Variants in KIF13A observed in about 807,000 individuals in gnomAD.
KIF13A encodes the protein kinesin-like protein KIF13A.
A neutral mutation model predicts 212.2 loss-of-function variants in KIF13A; 79 were observed. The ratio of observed to expected loss-of-function variants is 0.37; its 90% CI spans 0.31 to 0.45. The LOEUF is 0.45. KIF13A is among the 20% of genes least tolerant of loss of function. The pLI is 1.00. For missense variants in KIF13A, 1,901 were observed against 2,209.0 expected (o/e 0.86, Z 2.79); for synonymous variants, 789 against 808.6 (o/e 0.98, Z 0.41).
At chr6:17,975,187 T>C (rs572916907) in intron 2 of KIF13A, among the ~76,000 whole-genome samples, 4 of 151,708 alleles carry the variant, frequency 2.6e-5, no homozygotes, top group Admixed American at 2.0e-4. Flanking sequence ...CTACTAAAAA[T>C]AAAAAAATAA....
Position 17,794,429 on chromosome 6 carries a change from AATG to A in KIF13A, c.3076-37_3076-35del. ...GGTGGGGAGGAGTATGGGTGCCAGG[AATG>A]ATAATGAAAAGGAACGGGATAAAGA... is the stretch of plus-strand genomic sequence containing the variant. On this transcript the variant is annotated intron_variant, in intron 24 of 38. Transcript: ENST00000259711. The surrounding 1 kb of genome is among the most constrained non-coding windows in gnomAD (Gnocchi z 4.1). 6.3e-7 allele frequency: 1 copy of A among 1,593,632 alleles called. No homozygotes were observed. The highest frequency in any genetic ancestry group is 8.6e-7 in the Non-Finnish European group (1 of 1,166,390).
intron 2 of KIF13A, among the ~76,000 whole-genome samples, chr6:17,903,684 G>A (rs773681509): frequency 5.3e-5 from 8 of 152,174 alleles, no homozygotes; most frequent in Non-Finnish European, 1.2e-4. Context: ...TCTGGAAAGG[G>A]TCTTCAAAGA....
chr6:17,833,491 T>C (rs1765637633), intron 12 of KIF13A, among the ~76,000 whole-genome samples: 1 of 113,490 alleles, frequency 8.8e-6, no homozygotes, highest in African/African-American at 3.2e-5. Context: ...AGGGAGACCT[T>C]GTCTTCAAAA....
chr6:17,802,593 C>CT (rs898441786), intron 20 of KIF13A, among the ~76,000 whole-genome samples: 25 of 148,480 alleles, frequency 1.7e-4, no homozygotes, highest in African/African-American at 4.7e-4. Context: ...CCCGGCCAAG[C>CT]TTTTTTTTTT....
Position 17,809,025 on chromosome 6 carries a change from C to T in KIF13A, c.2001-95G>A, listed in dbSNP as rs1450042247. The T allele has an allele frequency of 8.7e-7, 1 of 1,144,028 alleles. No homozygotes were observed. Among genetic ancestry groups the T allele is most frequent in the Non-Finnish European group, 1.2e-6 (1 of 832,458 alleles). 70.9% of individuals were successfully genotyped at this position (1,144,028 alleles called of 1,614,324 possible). ...CTTATTAGAAAATGGGAGAAAACTC[C>T]TCTCGGGCAGTATTTTTCAAACTAT... On this transcript the variant is annotated intron_variant, in intron 17 of 38. Coordinates refer to ENST00000259711, the MANE Select transcript of KIF13A (RefSeq NM_022113.6). The surrounding 1 kb of genome is among the most constrained non-coding windows in gnomAD (Gnocchi z 4.7).
At chr6:17,920,871 C>T (rs1661181598) in intron 2 of KIF13A, among the ~76,000 whole-genome samples, 1 of 66,700 alleles carries the variant, frequency 1.5e-5, no homozygotes, top group African/African-American at 4.6e-5. Context: ...AGGACTATGT[C>T]TCAAAAAAAA....
rs114025336 is a variant in KIF13A at position 17,792,448 on chromosome 6, C to G, written c.3222+1801G>C. On this transcript the variant is annotated intron_variant, in intron 25 of 38. Transcript: ENST00000259711. ...GGAACTCAAAGTTTAAATTTTCCAG[C>G]CAAGATAACCATTTAGTAAAGCTCA... Among the ~76,000 whole-genome samples, 64 of 152,246 alleles carry G rather than the reference C, an allele frequency of 4.2e-4. 1 individual carries two copies. The highest frequency in any genetic ancestry group is 1.5e-3 in the African/African-American group (63 of 41,542).
At chr6:17,941,013 C>A (rs1259589813) in intron 2 of KIF13A, among the ~76,000 whole-genome samples, 2 of 151,690 alleles carry the variant, frequency 1.3e-5, no homozygotes, top group Non-Finnish European at 2.9e-5. Flanking sequence ...TTAGTAGAGA[C>A]AGGGTTTCTC....
rs1761864762 is a variant in KIF13A, at chr6:17,794,470, TTAGAGAA to T, written c.3076-82_3076-76del. ...AACGGGATAAAGAAGGGGAAAAGGA[TTAGAGAA>T]TAAAGATACAAATAGTTAGAAAATC... On this transcript the variant is annotated intron_variant, in intron 24 of 38. Coordinates refer to ENST00000259711, the MANE Select transcript of KIF13A (RefSeq NM_022113.6). This position sits in a 1 kb window ranked among gnomAD's most constrained non-coding sequence, Gnocchi z 4.1. The T allele has an allele frequency of 1.3e-6, 2 of 1,565,104 alleles. No homozygotes were observed. The highest frequency in any genetic ancestry group is 2.7e-5 in the African/African-American group (2 of 73,088).
At chr6:17,836,777 A>G (rs2150379820) in intron 11 of KIF13A, 101 bp downstream of exon 11, 2 of 1,030,154 alleles carry the variant, frequency 1.9e-6, no homozygotes, top group African/African-American at 3.2e-5. Context: ...ATAAATCGAA[A>G]CCATATCAGA....
chr6:17,777,386 T>TG lies in KIF13A; in HGVS notation c.4093-33_4093-32insC, dbSNP rs752331361. 3 of 1,524,810 alleles carry TG rather than the reference T, an allele frequency of 2.0e-6. No homozygotes were observed. Among genetic ancestry groups the TG allele is most frequent in the South Asian group, 2.4e-5 (2 of 84,430 alleles). 94.5% of individuals were successfully genotyped at this position (1,524,810 alleles called of 1,614,324 possible). ...ACATAATAATTTGAAAATAACACTT[T>TG]TTTTTTTTTTCCCCAGAGACAGAGT... is the stretch of plus-strand genomic sequence containing the variant. On this transcript the variant is annotated intron_variant, in intron 33 of 38. Coordinates refer to ENST00000259711, the MANE Select transcript of KIF13A (RefSeq NM_022113.6). This position sits in a 1 kb window ranked among gnomAD's most constrained non-coding sequence, Gnocchi z 4.4.
In KIF13A at chr6:17,961,725, G is replaced by A. The variant is rs1778830573; in HGVS notation, c.146+25329C>T. Among the ~76,000 whole-genome samples the A allele has an allele frequency of 6.6e-6, 1 of 152,048 alleles. No individual in the cohort carries two copies. The highest frequency in any genetic ancestry group is 1.5e-5 in the Non-Finnish European group (1 of 68,008). On this transcript the variant is annotated intron_variant, in intron 2 of 38. Coordinates refer to ENST00000259711, the MANE Select transcript of KIF13A (RefSeq NM_022113.6). This position sits in a 1 kb window ranked among gnomAD's most constrained non-coding sequence, Gnocchi z 4.1. Reference sequence around the variant, plus strand: ...AACAGTTATTTTCCTGTTTGCATGGGCTTCTAGGATCCTCCAGCCAAGTAA... The same window carrying A: ...AACAGTTATTTTCCTGTTTGCATGGACTTCTAGGATCCTCCAGCCAAGTAA...
chr6:17,842,011 G>A (rs990313292), intron 9 of KIF13A, among the ~76,000 whole-genome samples: 13 of 149,522 alleles, frequency 8.7e-5, no homozygotes, highest in African/African-American at 1.2e-4. Flanking sequence ...GTGTGTGTGT[G>A]TGTGTGTGTG....
At position 17,776,363 on chromosome 6, in the gene KIF13A, C is replaced by A. The variant is rs893071158; in HGVS notation, c.4170+914G>T. ...TCTAGGTACCACTTTAGCTGCATTG[C>A]ACAAACACTGATCTATGTATCATTT... On this transcript the variant is annotated intron_variant, in intron 34 of 38. Coordinates refer to ENST00000259711, the MANE Select transcript of KIF13A (RefSeq NM_022113.6). The surrounding 1 kb of genome is among the most constrained non-coding windows in gnomAD (Gnocchi z 4.6). 2.0e-5 allele frequency among the ~76,000 whole-genome samples: 3 copies of A among 152,274 alleles called. No homozygotes were observed. The highest frequency in any genetic ancestry group is 7.2e-5 in the African/African-American group (3 of 41,542).
At chr6:17,955,426 A>C (rs576229381) in intron 2 of KIF13A, among the ~76,000 whole-genome samples, 1 of 152,224 alleles carries the variant, frequency 6.6e-6, no homozygotes, top group South Asian at 2.1e-4. Flanking sequence ...CTTCATGTAG[A>C]CTTTTGCCAC....
chr6:17,839,829 G>C lies in KIF13A; in HGVS notation c.831-2246C>G, dbSNP rs1766338611. Among the ~76,000 whole-genome samples the C allele has an allele frequency of 6.6e-6, 1 of 152,090 alleles. No individual in the cohort carries two copies. Among genetic ancestry groups the C allele is most frequent in the African/African-American group, 2.4e-5 (1 of 41,408 alleles). On this transcript the variant is annotated intron_variant, in intron 9 of 38. Coordinates refer to ENST00000259711, the MANE Select transcript of KIF13A (RefSeq NM_022113.6). The surrounding 1 kb of genome is among the most constrained non-coding windows in gnomAD (Gnocchi z 4.3). ...ATGGCCCTACAGAAACAAGGGGAGA[G>C]GCATGGAACAGATTCTCCCTCTGAC... is the stretch of plus-strand genomic sequence containing the variant.
intron 2 of KIF13A, among the ~76,000 whole-genome samples, chr6:17,976,561 C>T (rs1780519074): frequency 6.6e-6 from 1 of 152,176 alleles, no homozygotes; most frequent in Non-Finnish European, 1.5e-5. Flanking sequence ...TTCCCGCTCG[C>T]GCCTCTCCCT....
rs775736329 is a variant in KIF13A, at chr6:17,764,689, C to T, written c.4839G>A (p.Val1613=). 3 of 1,613,466 alleles carry T rather than the reference C, an allele frequency of 1.9e-6. No individual in the cohort carries two copies. The highest frequency in any genetic ancestry group is 2.5e-6 in the Non-Finnish European group (3 of 1,179,694). ...GGTCTGAGCTGTCACTAGAAGGGAC[C>T]ACCATGTCAGACAGGGTGGCATTGG... ...SASNATLSDM[V]VPSSDSSDQL... is the part of the protein sequence containing the mutation. Residue 1613 remains valine, a synonymous_variant, in exon 39 of 39, where the codon GTG becomes GTA. Coordinates refer to ENST00000259711, the MANE Select transcript of KIF13A (RefSeq NM_022113.6). The surrounding 1 kb of genome is among the most constrained non-coding windows in gnomAD (Gnocchi z 5.1).
At chr6:17,890,630 C>CT (rs567124907) in intron 3 of KIF13A, among the ~76,000 whole-genome samples, 3,855 of 144,460 alleles carry the variant, frequency 0.027, 75 homozygotes, top group Middle Eastern at 0.051. Context: ...TCTCCTTCTT[C>CT]TTTTTTTTTT....
Sources: gnomAD v4.1 joint callset for allele counts (sites outside exome capture counted in the v4.1 genomes callset) on GRCh38, gnomAD v4.1.1 for gene constraint, Gnocchi (gnomAD v3.1) non-coding constraint, MANE v1.5 for transcripts, NCBI Gene and HGNC (gene_info 2026-07-23, HGNC 2026-07-21) for gene names.